HIVEP2: variants seen among roughly 807,000 people sequenced by gnomAD.
HIVEP2 encodes the protein transcription factor HIVEP2.
Under a neutral mutation model 180.7 loss-of-function variants are expected in HIVEP2, and 14 were observed. The ratio of observed to expected loss-of-function variants is 0.08; its 90% CI spans 0.05 to 0.12. HIVEP2 has a LOEUF of 0.12. Among genes scored for constraint, HIVEP2 ranks in the 10% least tolerant of loss-of-function variants. HIVEP2 has a pLI of 1.00. For missense variants in HIVEP2, 2,579 were observed against 3,008.5 expected (o/e 0.86, Z 3.34); for synonymous variants, 1,184 against 1,136.4 (o/e 1.04, Z -0.84).
chr6:142,774,622 A>G lies in HIVEP2; in HGVS notation c.117T>C (p.Phe39=). 6.2e-7 allele frequency: 1 copy of G among 1,614,202 alleles called. No individual in the cohort carries two copies. Among genetic ancestry groups the G allele is most frequent in the East Asian group, 2.2e-5 (1 of 44,882 alleles). ...GTTGCCGCTGTCCTTCATGACTGCCAAAAGTGCTCATCTTAATAACAGCTG... is the reference window on the plus strand; with the variant it reads ...GTTGCCGCTGTCCTTCATGACTGCCGAAAGTGCTCATCTTAATAACAGCTG... ...EQSAVIKMST[F]GSHEGQRQPQ... The change falls in exon 5 of 10, where the codon TTT becomes TTC. Residue 39 remains phenylalanine (F), a synonymous_variant. Coordinates refer to ENST00000367603, the MANE Select transcript of HIVEP2 (RefSeq NM_006734.4). The surrounding 1 kb of genome is among the most constrained non-coding windows in gnomAD (Gnocchi z 5.1).
At chr6:142,916,318 C>T (rs1777548193) in intron 1 of HIVEP2, among the ~76,000 whole-genome samples, 1 of 152,224 alleles carries the variant, frequency 6.6e-6, no homozygotes, top group South Asian at 2.1e-4. Context: ...CATGTCTGAA[C>T]AACTTCTATG....
At chr6:142,903,888 T>A (rs927065387) in intron 1 of HIVEP2, among the ~76,000 whole-genome samples, 1 of 151,548 alleles carries the variant, frequency 6.6e-6, no homozygotes. Context: ...AAAAAAAAAA[T>A]TCCATCTTAG....
intron 1 of HIVEP2, among the ~76,000 whole-genome samples, chr6:142,892,757 G>A (rs1210226425): frequency 1.3e-5 from 2 of 152,174 alleles, no homozygotes; most frequent in East Asian, 3.9e-4. Context: ...TGTGAAGACA[G>A]CAGGCATTCC....
chr6:142,798,475 C>T (rs569582011), intron 2 of HIVEP2, among the ~76,000 whole-genome samples: 58 of 152,088 alleles, frequency 3.8e-4, no homozygotes, highest in Non-Finnish European at 7.4e-4. Flanking sequence ...ATAATTAAAA[C>T]GCCTTGGTTG....
Position 142,762,921 on chromosome 6 carries a change from C to CA in HIVEP2, c.5519-1357dup, listed in dbSNP as rs1292594700. 2.0e-5 allele frequency among the ~76,000 whole-genome samples: 3 copies of CA among 152,040 alleles called. No individual in the cohort carries two copies. The South Asian group carries it at 6.2e-4, about 32-fold the overall frequency. On this transcript the variant is annotated intron_variant, in intron 7 of 9. Coordinates refer to ENST00000367603, the MANE Select transcript of HIVEP2 (RefSeq NM_006734.4). ...TATATCTACCATTTTTTAAAGAGCC[C>CA]AAAAATGTTATAGACATATCAAGAA...
At chr6:142,928,575 C>G (rs993747596) in intron 1 of HIVEP2, among the ~76,000 whole-genome samples, 2 of 152,206 alleles carry the variant, frequency 1.3e-5, no homozygotes, top group African/African-American at 2.4e-5. Flanking sequence ...TACAGTGATG[C>G]AAAGCCCTTC....
chr6:142,796,756 T>A (rs1776287624), intron 2 of HIVEP2, among the ~76,000 whole-genome samples: 1 of 152,198 alleles, frequency 6.6e-6, no homozygotes. Flanking sequence ...TTAAACATGA[T>A]GAAAAATGTG....
At chr6:142,876,019 T>A (rs1161173331) in intron 1 of HIVEP2, among the ~76,000 whole-genome samples, 2 of 151,850 alleles carry the variant, frequency 1.3e-5, no homozygotes, top group African/African-American at 4.8e-5. Context: ...CCTAAGGGAG[T>A]CCAACACTTA....
At chr6:142,919,090 C>A (rs1001335298) in intron 1 of HIVEP2, among the ~76,000 whole-genome samples, 1 of 152,132 alleles carries the variant, frequency 6.6e-6, no homozygotes. Context: ...ATGACATTTT[C>A]ATTTACTCAC....
chr6:142,826,186 T>C (rs1451356150), intron 2 of HIVEP2, among the ~76,000 whole-genome samples: 1 of 152,250 alleles, frequency 6.6e-6, no homozygotes, highest in African/African-American at 2.4e-5. Context: ...TCTTATTACA[T>C]AATTCTTGGT....
intron 2 of HIVEP2, among the ~76,000 whole-genome samples, chr6:142,805,399 A>G (rs1279977147): frequency 7.1e-6 from 1 of 140,296 alleles, no homozygotes; most frequent in East Asian, 2.4e-4. Context: ...GTATCATGGT[A>G]ATAAGCCAGA....
At position 142,770,361 on chromosome 6, in the gene HIVEP2, C is replaced by G. The variant is rs1228960065; in HGVS notation, c.4378G>C (p.Val1460Leu). 6.2e-7 allele frequency: 1 copy of G among 1,614,186 alleles called. No homozygotes were observed. The highest frequency in any genetic ancestry group is 8.5e-7 in the Non-Finnish European group (1 of 1,180,040). The change falls in exon 5 of 10, where the codon GTC (valine) becomes CTC (leucine). Residue 1460 changes from valine to leucine, a missense_variant. Around this residue, in one of 11 missense-constraint regions of HIVEP2, gnomAD observed 29 missense variants for 64.7 expected, o/e 0.45. Coordinates refer to ENST00000367603, the MANE Select transcript of HIVEP2 (RefSeq NM_006734.4). This position sits in a 1 kb window ranked among gnomAD's most constrained non-coding sequence, Gnocchi z 4.7. Reference protein sequence around the residue: ...LFMETKQQKRVKEEKMYGQIV... With the variant: ...LFMETKQQKRLKEEKMYGQIV... The stretch of plus-strand genomic sequence containing the variant: ...TGTCCGTACATCTTTTCTTCTTTGA[C>G]CCTTTTCTGCTGCTTGGTTTCCATG...
At chr6:142,762,471 C>CACACAT (rs1554275425) in intron 7 of HIVEP2, among the ~76,000 whole-genome samples, 15 of 145,332 alleles carry the variant, frequency 1.0e-4, no homozygotes, top group Non-Finnish European at 1.7e-4. Flanking sequence ...CACACACACA[C>CACACAT]ACACACACAC....
At chr6:142,852,611 A>G (rs1775713319) in intron 1 of HIVEP2, among the ~76,000 whole-genome samples, 1 of 152,192 alleles carries the variant, frequency 6.6e-6, no homozygotes, top group Non-Finnish European at 1.5e-5. Flanking sequence ...CCACAGATAT[A>G]CTTTATTTCA....
intron 1 of HIVEP2, among the ~76,000 whole-genome samples, chr6:142,861,720 G>A (rs1775983717): frequency 6.6e-6 from 1 of 152,080 alleles, no homozygotes; most frequent in African/African-American, 2.4e-5. Flanking sequence ...TGTCATCTAA[G>A]TTCAAAGTTG....
At chr6:142,865,713 C>T (rs762006717) in intron 1 of HIVEP2, among the ~76,000 whole-genome samples, 3 of 152,090 alleles carry the variant, frequency 2.0e-5, no homozygotes, top group Non-Finnish European at 2.9e-5. Flanking sequence ...TGAAATGAAG[C>T]ACACGACCTA....
At chr6:142,860,637 C>A (rs1775952768) in intron 1 of HIVEP2, among the ~76,000 whole-genome samples, 1 of 152,180 alleles carries the variant, frequency 6.6e-6, no homozygotes, top group African/African-American at 2.4e-5. Context: ...AGACCTAGAT[C>A]CCTGGCATGC....
At position 142,773,708 on chromosome 6, in the gene HIVEP2, T is replaced by A. The variant is rs780042094; in HGVS notation, c.1031A>T (p.Tyr344Phe). Residue 344 changes from tyrosine to phenylalanine, a missense_variant, in exon 5 of 10, where the codon TAT (tyrosine) becomes TTT (phenylalanine). Transcript: ENST00000367603. ...GIPLPNESSQ[Y>F]IGPDMLPNPS... ...ATTTGGTAGCATATCAGGGCCAATA[T>A]ACTGAGAGCTTTCATTAGGGAGAGG... 2 of 1,614,044 alleles carry A rather than the reference T, an allele frequency of 1.2e-6. No individual in the cohort carries two copies. Among genetic ancestry groups the A allele is most frequent in the African/African-American group, 1.3e-5 (1 of 74,944 alleles).
In HIVEP2 at chr6:142,817,229, C is replaced by G. The variant is rs993176988; in HGVS notation, c.-528+19706G>C. Among the ~76,000 whole-genome samples the G allele has an allele frequency of 2.6e-5, 4 of 152,220 alleles. No individual in the cohort carries two copies. In the South Asian group the frequency reaches 8.3e-4, roughly 32 times the overall value. ...CTTAAAAAATTACTTGGTAATTAAC[C>G]TGACTGAAAGCTCTGGCTAAAATAC... On this transcript the variant is annotated intron_variant, in intron 2 of 9. Transcript: ENST00000367603.
Sources: gnomAD v4.1 joint callset for allele counts (sites outside exome capture counted in the v4.1 genomes callset) on GRCh38, gnomAD v4.1.1 for gene constraint, gnomAD v4.1.1 regional missense constraint, Gnocchi (gnomAD v3.1) non-coding constraint, MANE v1.5 for transcripts, NCBI Gene and HGNC (gene_info 2026-07-23, HGNC 2026-07-21) for gene names.